The following CALN1 variants were observed in gnomAD, a reference collection of about 807,000 sequenced individuals.
CALN1 encodes the protein calcium-binding protein 8.
A neutral mutation model predicts 30.6 loss-of-function variants in CALN1; 17 were observed. The ratio of observed to expected loss-of-function variants is 0.56; its 90% CI spans 0.38 to 0.83. CALN1 has a LOEUF of 0.83. CALN1 is among the 40% of genes least tolerant of loss of function. The pLI is 0.00. For synonymous variants in CALN1, 156 were observed against 131.4 expected, an observed-to-expected ratio of 1.19 and a Z score of -1.28; for missense variants, 291 against 354.9, an observed-to-expected ratio of 0.82 and a Z score of 1.45.
chr7:72,423,427 C>A (rs1404719830), intron 1 of CALN1, among the ~76,000 whole-genome samples: 1 of 152,188 alleles, frequency 6.6e-6, no homozygotes, highest in Non-Finnish European at 1.5e-5. Flanking sequence ...GGTTTTCCTC[C>A]TTCACAGCTG....
rs1787994777 is a variant in CALN1, at chr7:71,812,123, T to TCCTTC, written c.502-1636_502-1632dup. 1.3e-5 allele frequency among the ~76,000 whole-genome samples: 2 copies of TCCTTC among 152,194 alleles called. 1 individual carries two copies. The highest frequency in any genetic ancestry group is 2.9e-5 in the Non-Finnish European group (2 of 68,044). ...ATTACATGCCCCAGATAGAGGCTGT[T>TCCTTC]CCTTCGGGCTGGGTCTCAGAATGAG... On this transcript the variant is annotated intron_variant, in intron 5 of 6. Transcript: ENST00000395275.
At chr7:71,912,913 C>T (rs1486272971) in intron 5 of CALN1, among the ~76,000 whole-genome samples, 2 of 152,168 alleles carry the variant, frequency 1.3e-5, no homozygotes, top group Non-Finnish European at 2.9e-5. Flanking sequence ...CTGCCACTAC[C>T]GACTTGACGG....
chr7:72,077,432 C>T (rs1004393115), intron 4 of CALN1, among the ~76,000 whole-genome samples: 1 of 152,098 alleles, frequency 6.6e-6, no homozygotes, highest in Admixed American at 6.6e-5. Flanking sequence ...CACCATCACG[C>T]CCAGCTAATT....
chr7:71,818,581 G>A (rs1248778119), intron 5 of CALN1, among the ~76,000 whole-genome samples: 1 of 151,954 alleles, frequency 6.6e-6, no homozygotes, highest in South Asian at 2.1e-4. Flanking sequence ...TGTTGCCCAG[G>A]CTGGACTTGA....
chr7:71,833,624 G>C (rs1789422596), intron 5 of CALN1, among the ~76,000 whole-genome samples: 1 of 149,826 alleles, frequency 6.7e-6, no homozygotes, highest in African/African-American at 2.4e-5. Flanking sequence ...CAGAAGACCA[G>C]GCGAGGCACA....
At chr7:71,978,186 C>T (rs891311447) in intron 5 of CALN1, among the ~76,000 whole-genome samples, 2 of 150,414 alleles carry the variant, frequency 1.3e-5, no homozygotes, top group Admixed American at 6.7e-5. Flanking sequence ...GCCTAAGGAT[C>T]GTCCAACCAG....
At chr7:72,370,306 G>C (rs191152252) in intron 2 of CALN1, among the ~76,000 whole-genome samples, 2 of 152,014 alleles carry the variant, frequency 1.3e-5, no homozygotes, top group Non-Finnish European at 2.9e-5. Flanking sequence ...TTGTGCTCAT[G>C]TCTTTTACCC....
the CALN1 span, among the ~76,000 whole-genome samples, chr7:72,500,301 G>C: frequency 3.1e-4 from 2 of 6,370 alleles, no homozygotes; most frequent in Admixed American, 1.8e-3. Context: ...TTTTTTTTTT[G>C]AGACAGTCTC....
At chr7:72,365,904 A>G (rs992287172) in intron 2 of CALN1, among the ~76,000 whole-genome samples, 1 of 152,198 alleles carries the variant, frequency 6.6e-6, no homozygotes, top group Non-Finnish European at 1.5e-5. Flanking sequence ...ATACTTCATC[A>G]TTTCAAGAAG....
intron 5 of CALN1, among the ~76,000 whole-genome samples, chr7:71,995,273 C>G (rs888336042): frequency 1.3e-5 from 2 of 152,218 alleles, no homozygotes; most frequent in African/African-American, 4.8e-5. Flanking sequence ...CTGAACGCAC[C>G]TGGCTTCCAG....
intron 3 of CALN1, among the ~76,000 whole-genome samples, chr7:72,109,217 T>C (rs941192972): frequency 6.6e-6 from 1 of 152,124 alleles, no homozygotes; most frequent in Non-Finnish European, 1.5e-5. Flanking sequence ...TGGGAAGAAT[T>C]GTGGGCCCCA....
chr7:72,388,447 C>T (rs1805378515), intron 2 of CALN1, among the ~76,000 whole-genome samples: 1 of 151,888 alleles, frequency 6.6e-6, no homozygotes, highest in Non-Finnish European at 1.5e-5. Flanking sequence ...AAGTACAAAC[C>T]CGAGGAAATC....
At chr7:71,901,037 G>T (rs148227824) in intron 5 of CALN1, among the ~76,000 whole-genome samples, 1 of 152,040 alleles carries the variant, frequency 6.6e-6, no homozygotes, top group Non-Finnish European at 1.5e-5. Flanking sequence ...GCAGCCCACC[G>T]GACCCAGCTA....
At chr7:71,831,165 A>G (rs1789253108) in intron 5 of CALN1, among the ~76,000 whole-genome samples, 1 of 152,048 alleles carries the variant, frequency 6.6e-6, no homozygotes. Context: ...TTCCTCATAC[A>G]TTTAATAGAT....
At chr7:72,445,818 G>A (rs994870680) in intron 1 of CALN1, among the ~76,000 whole-genome samples, 3 of 152,126 alleles carry the variant, frequency 2.0e-5, no homozygotes, top group South Asian at 2.1e-4. Context: ...AGCTGCAAAC[G>A]CGGTAACTAC....
chr7:72,338,469 C>CTGTGTGTGTGTGTGTG (rs1562903665), intron 2 of CALN1, among the ~76,000 whole-genome samples: 1 of 41,944 alleles, frequency 2.4e-5, no homozygotes. Context: ...GCCAGCAGCA[C>CTGTGTGTGTGTGTGTG]AGTGTGTGTG....
intron 3 of CALN1, among the ~76,000 whole-genome samples, chr7:72,165,148 C>A (rs552751874): frequency 6.6e-6 from 1 of 152,244 alleles, no homozygotes; most frequent in East Asian, 1.9e-4. Context: ...AGATTAAAGA[C>A]CCTGGTAGCA....
At chr7:72,332,523 A>C (rs915130421) in intron 2 of CALN1, among the ~76,000 whole-genome samples, 1 of 151,818 alleles carries the variant, frequency 6.6e-6, no homozygotes, top group Non-Finnish European at 1.5e-5. Context: ...CCCACCTCCA[A>C]AGTTGAGTCC....
chr7:72,035,028 T>C (rs1172612532), intron 4 of CALN1, among the ~76,000 whole-genome samples: 1 of 152,148 alleles, frequency 6.6e-6, no homozygotes, highest in Non-Finnish European at 1.5e-5. Context: ...ATAATAGCAA[T>C]TTATTCATTG....
Sources: gnomAD v4.1 joint callset for allele counts (sites outside exome capture counted in the v4.1 genomes callset) on GRCh38, gnomAD v4.1.1 for gene constraint, MANE v1.5 for transcripts, NCBI Gene and HGNC (gene_info 2026-07-23, HGNC 2026-07-21) for gene names.